The following NLGN1 variants were observed in gnomAD, a reference collection of about 807,000 sequenced individuals.
NLGN1 encodes neuroligin 1, also known as neuroligin-1.
NLGN1 carries 12 observed loss-of-function variants against 65.5 expected under a neutral mutation model. That is an observed-to-expected ratio of 0.18 (90% CI 0.12 to 0.30). NLGN1 has a LOEUF of 0.30. Among genes scored for constraint, NLGN1 ranks in the 10% least tolerant of loss-of-function variants. NLGN1 has a pLI of 1.00. For missense variants in NLGN1, 750 were observed against 1,007.1 expected, an observed-to-expected ratio of 0.74 and a Z score of 3.46; for synonymous variants, 350 against 359.5, an observed-to-expected ratio of 0.97 and a Z score of 0.30.
intron 4 of NLGN1, among the ~76,000 whole-genome samples, chr3:173,819,509 C>T (rs989529359): frequency 1.3e-5 from 2 of 152,174 alleles, no homozygotes; most frequent in Non-Finnish European, 2.9e-5. Flanking sequence ...CCATGCTAGA[C>T]TCCTCACTGC....
intron 4 of NLGN1, among the ~76,000 whole-genome samples, chr3:174,185,467 TTAAA>T (rs1561241505): frequency 6.6e-6 from 1 of 152,096 alleles, no homozygotes; most frequent in Non-Finnish European, 1.5e-5. Flanking sequence ...AAATTAAAAT[TTAAA>T]TAACAGCATC....
Position 173,612,697 on chromosome 3 carries a change from A to G in NLGN1, c.493+7606A>G, listed in dbSNP as rs1752492049. ...TATTTACAAAAGCCTATTTACAAAT[A>G]AGGTCATTGTATCGCTTTGGTGAAT... On this transcript the variant is annotated intron_variant, in intron 3 of 6. Coordinates refer to ENST00000457714, the Ensembl canonical transcript of NLGN1. Among the ~76,000 whole-genome samples the G allele has an allele frequency of 2.0e-5, 3 of 152,096 alleles. No individual in the cohort carries two copies. The South Asian group carries it at 6.2e-4, about 32-fold the overall frequency.
intron 4 of NLGN1, among the ~76,000 whole-genome samples, chr3:174,078,673 C>T (rs761041467): frequency 2.6e-5 from 4 of 152,046 alleles, no homozygotes; most frequent in African/African-American, 4.8e-5. Flanking sequence ...GTTTTTGAGA[C>T]GCAGGTTCTT....
At chr3:173,800,312 G>A in intron 3 of NLGN1, 2 of 1,211,192 alleles carry the variant, frequency 1.7e-6, no homozygotes, top group East Asian at 1.4e-4. Flanking sequence ...CAAAGAAACA[G>A]ACAGATGATT....
intron 4 of NLGN1, among the ~76,000 whole-genome samples, chr3:173,995,820 G>T (rs1028620486): frequency 1.3e-5 from 2 of 151,558 alleles, no homozygotes; most frequent in African/African-American, 4.9e-5. Context: ...CCAAGCATCT[G>T]GGACTCCCGG....
intron 3 of NLGN1, among the ~76,000 whole-genome samples, chr3:173,642,500 A>G (rs933105635): frequency 6.6e-6 from 1 of 152,198 alleles, no homozygotes; most frequent in Non-Finnish European, 1.5e-5. Context: ...AAACCATTAC[A>G]TTGACCAACG....
intron 4 of NLGN1, among the ~76,000 whole-genome samples, chr3:173,934,834 G>A (rs1744762293): frequency 2.0e-5 from 3 of 151,886 alleles, no homozygotes; most frequent in African/African-American, 7.2e-5. Flanking sequence ...AATATCTGAT[G>A]CAGCTGATTT....
At chr3:174,163,558 A>G (rs1726961687) in intron 4 of NLGN1, among the ~76,000 whole-genome samples, 1 of 152,126 alleles carries the variant, frequency 6.6e-6, no homozygotes, top group South Asian at 2.1e-4. Flanking sequence ...AGTACCCAAC[A>G]GTTTTTCAAC....
chr3:173,412,546 C>A (rs1416650263), intron 1 of NLGN1, among the ~76,000 whole-genome samples: 1 of 101,028 alleles, frequency 9.9e-6, no homozygotes, highest in African/African-American at 2.8e-5. Flanking sequence ...GCATAAAGTT[C>A]TGAGTGAAAC....
intron 4 of NLGN1, among the ~76,000 whole-genome samples, chr3:174,129,124 C>G (rs748199786): frequency 1.2e-4 from 18 of 152,038 alleles, no homozygotes; most frequent in Non-Finnish European, 2.2e-4. Flanking sequence ...GTATAAAAGC[C>G]TTGTCTTGCC....
intron 2 of NLGN1, among the ~76,000 whole-genome samples, chr3:173,461,443 G>T (rs1007039650): frequency 9.2e-5 from 14 of 151,932 alleles, no homozygotes; most frequent in African/African-American, 3.4e-4. Flanking sequence ...ATGGGGGAAA[G>T]ATTCTATTAT....
chr3:173,511,403 T>C (rs1473359258), intron 2 of NLGN1, among the ~76,000 whole-genome samples: 1 of 152,118 alleles, frequency 6.6e-6, no homozygotes, highest in Non-Finnish European at 1.5e-5. Context: ...CCAAAGTCCA[T>C]TGTTAACATT....
At chr3:173,471,900 C>G (rs563913193) in intron 2 of NLGN1, among the ~76,000 whole-genome samples, 1 of 152,214 alleles carries the variant, frequency 6.6e-6, no homozygotes, top group South Asian at 2.1e-4. Flanking sequence ...TGAACCTGAA[C>G]TTTGCTGAAG....
chr3:173,504,179 A>G (rs1301149477), intron 2 of NLGN1, among the ~76,000 whole-genome samples: 3 of 152,082 alleles, frequency 2.0e-5, no homozygotes, highest in Admixed American at 2.0e-4. Context: ...GTTTCATTGG[A>G]CCACTATAGG....
chr3:173,515,570 C>T (rs1256201021), intron 2 of NLGN1, among the ~76,000 whole-genome samples: 13 of 152,022 alleles, frequency 8.6e-5, no homozygotes, highest in Admixed American at 7.2e-4. Context: ...CTAAAACCAA[C>T]GTCATGAAGT....
intron 4 of NLGN1, among the ~76,000 whole-genome samples, chr3:174,134,438 T>G (rs1283446239): frequency 6.6e-6 from 1 of 152,188 alleles, no homozygotes; most frequent in African/African-American, 2.4e-5. Context: ...CTGGGGGAGC[T>G]TTATAATTTA....
At chr3:173,640,437 T>G (rs1757221764) in intron 3 of NLGN1, among the ~76,000 whole-genome samples, 1 of 152,136 alleles carries the variant, frequency 6.6e-6, no homozygotes, top group South Asian at 2.1e-4. Flanking sequence ...TATCTATCTA[T>G]TGACAACGTT....
intron 3 of NLGN1, among the ~76,000 whole-genome samples, chr3:173,792,238 C>A (rs1453946571): frequency 6.6e-6 from 1 of 152,156 alleles, no homozygotes; most frequent in African/African-American, 2.4e-5. Flanking sequence ...TCATCCTTCA[C>A]TGGCTTGTTT....
At chr3:174,104,152 T>C (rs1713185658) in intron 4 of NLGN1, among the ~76,000 whole-genome samples, 1 of 152,124 alleles carries the variant, frequency 6.6e-6, no homozygotes, top group South Asian at 2.1e-4. Context: ...AAGCCCTTGT[T>C]TTGTCCTTAT....
Sources: allele counts gnomAD v4.1 joint callset (sites outside exome capture counted in the v4.1 genomes callset), GRCh38; gene constraint gnomAD v4.1.1; transcripts MANE v1.5; gene names NCBI Gene and HGNC (gene_info 2026-07-23, HGNC 2026-07-21).